SLC49A4: variants seen among roughly 807,000 people sequenced by gnomAD.
SLC49A4 encodes the protein disrupted in renal cancer protein 2.
A neutral mutation model predicts 50.6 loss-of-function variants in SLC49A4; 36 were observed. The ratio of observed to expected loss-of-function variants is 0.71; its 90% CI spans 0.55 to 0.94. SLC49A4 has a LOEUF of 0.94. SLC49A4 is among the 40% of genes least tolerant of loss of function. The probability of loss-of-function intolerance (pLI) is 0.00; values close to 1 mark genes in which losing one functional copy is unlikely to be tolerated. For missense variants in SLC49A4, 503 were observed against 605.7 expected (o/e 0.83, Z 1.78); for synonymous variants, 248 against 241.2 (o/e 1.03, Z -0.26).
Position 122,838,582 on chromosome 3 carries a change from G to A in SLC49A4, c.833+5136G>A, listed in dbSNP as rs188287739. Among the ~76,000 whole-genome samples, 313 of 151,408 alleles carry A rather than the reference G, an allele frequency of 2.1e-3. 1 individual carries two copies. Among genetic ancestry groups the A allele is most frequent in the Non-Finnish European group, 2.2e-3 (149 of 67,842 alleles). ...GGGGTGGGGGGAGGGGGGAAGGATA[G>A]CATTAGGAGATATACCTAATGCTAA... On this transcript the variant is annotated intron_variant, in intron 4 of 8. Transcript: ENST00000261038.
At chr3:122,875,092 G>A (rs1000300074) in intron 8 of SLC49A4, among the ~76,000 whole-genome samples, 2 of 152,182 alleles carry the variant, frequency 1.3e-5, no homozygotes, top group Non-Finnish European at 1.5e-5. Flanking sequence ...AAGTCCTGCA[G>A]CAGAGGTCCA....
intron 4 of SLC49A4, among the ~76,000 whole-genome samples, chr3:122,834,408 G>A (rs1479182533): frequency 6.6e-6 from 1 of 152,008 alleles, no homozygotes; most frequent in Non-Finnish European, 1.5e-5. Context: ...AACTCCAAAA[G>A]GAACCCTCAA....
chr3:122,829,823 C>G (rs942023953), intron 3 of SLC49A4, among the ~76,000 whole-genome samples: 3 of 152,076 alleles, frequency 2.0e-5, no homozygotes, highest in African/African-American at 7.2e-5. Context: ...TTTTCCATGC[C>G]TTTTTAAAAC....
chr3:122,826,947 A>G lies in SLC49A4; in HGVS notation c.585A>G (p.Ala195=), dbSNP rs199500266. Residue 195 remains alanine, a synonymous_variant, in exon 3 of 9, where the codon GCA becomes GCG. Coordinates refer to ENST00000261038, the MANE Select transcript of SLC49A4 (RefSeq NM_032839.3). ...IASMLSYLGG[A]CAFLVGPLVV... Reference sequence around the variant, plus strand: ...CAATGCTCAGTTATCTTGGGGGAGCATGTGCATTTTTAGTTGGACCACTTG... The same window carrying G: ...CAATGCTCAGTTATCTTGGGGGAGCGTGTGCATTTTTAGTTGGACCACTTG... The G allele has an allele frequency of 1.9e-6, 3 of 1,614,212 alleles. No individual in the cohort carries two copies. Among genetic ancestry groups the G allele is most frequent in the African/African-American group, 2.7e-5 (2 of 75,068 alleles).
chr3:122,873,682 A>G (rs1937224039), intron 8 of SLC49A4, among the ~76,000 whole-genome samples: 1 of 152,228 alleles, frequency 6.6e-6, no homozygotes, highest in Admixed American at 6.5e-5. Context: ...TTGGTTTATC[A>G]TATGAAGGAG....
chr3:122,872,529 G>A lies in SLC49A4; in HGVS notation c.1253G>A (p.Gly418Glu), dbSNP rs755178439. 4 of 1,611,958 alleles carry A rather than the reference G, an allele frequency of 2.5e-6. No homozygotes were observed. The highest frequency in any genetic ancestry group is 2.7e-5 in the African/African-American group (2 of 74,852). The stretch of plus-strand genomic sequence containing the variant: ...CCAGTTCCAGAAGGAATTACTTGTG[G>A]AGTTGTCACTTTTTTAAGTAATATG... ...VYPVPEGITC[G>E]VVTFLSNMFM... Residue 418 changes from glycine to glutamate, a missense_variant, in exon 8 of 9, where the codon GGA becomes GAA. By Grantham distance (98) the Gly-to-Glu change is moderately conservative. Transcript: ENST00000261038.
chr3:122,854,531 CATT>C (rs1936961758), intron 5 of SLC49A4, among the ~76,000 whole-genome samples: 1 of 152,206 alleles, frequency 6.6e-6, no homozygotes, highest in East Asian at 1.9e-4. Flanking sequence ...AGGACCTTGT[CATT>C]ATATGCATGG....
chr3:122,816,954 T>A (rs1936375669), intron 2 of SLC49A4, among the ~76,000 whole-genome samples: 1 of 152,194 alleles, frequency 6.6e-6, no homozygotes, highest in Non-Finnish European at 1.5e-5. Flanking sequence ...TAAGGTCTTC[T>A]GTAACTAAAA....
chr3:122,817,363 A>G (rs746133051), intron 2 of SLC49A4, among the ~76,000 whole-genome samples: 5 of 152,188 alleles, frequency 3.3e-5, no homozygotes, highest in African/African-American at 7.2e-5. Context: ...ATTCTCTTCT[A>G]GAGCCTCTTG....
At chr3:122,849,509 G>A (rs551956556) in intron 5 of SLC49A4, among the ~76,000 whole-genome samples, 86 of 152,242 alleles carry the variant, frequency 5.6e-4, no homozygotes, top group African/African-American at 2.0e-3. Flanking sequence ...TCTTTTTGGT[G>A]ATAGCTATCC....
At chr3:122,854,763 A>T (rs1222959440) in intron 5 of SLC49A4, among the ~76,000 whole-genome samples, 1 of 152,204 alleles carries the variant, frequency 6.6e-6, no homozygotes, top group Non-Finnish European at 1.5e-5. Flanking sequence ...CGTTTGGTGG[A>T]CAGCTGGCAA....
At chr3:122,856,440 C>CTTTT in intron 6 of SLC49A4, 66 bp downstream of exon 6, 1 of 1,396,228 alleles carries the variant, frequency 7.2e-7, no homozygotes, top group Non-Finnish European at 1.0e-6. Context: ...GATAAATAGG[C>CTTTT]TCCCCTAAAT....
chr3:122,799,263 G>A (rs1936096798), intron 1 of SLC49A4, among the ~76,000 whole-genome samples: 1 of 152,176 alleles, frequency 6.6e-6, no homozygotes, highest in Admixed American at 6.5e-5. Context: ...GGGTAAAGGA[G>A]GAAGGGAATG....
intron 4 of SLC49A4, among the ~76,000 whole-genome samples, chr3:122,835,954 C>T (rs1452806495): frequency 1.3e-5 from 2 of 152,148 alleles, no homozygotes; most frequent in Non-Finnish European, 2.9e-5. Flanking sequence ...CTGCTCTACA[C>T]CAACAACGAG....
Position 122,845,923 on chromosome 3 carries a change from A to G in SLC49A4, c.942+52A>G, listed in dbSNP as rs184417067. 1.4e-5 allele frequency: 18 copies of G among 1,324,228 alleles called. No individual in the cohort carries two copies. The East Asian group carries it at 3.3e-4, about 24-fold the overall frequency. 82.0% of individuals were successfully genotyped at this position (1,324,228 alleles called of 1,614,324 possible). ...GTAGGTATTTTTGTTCATTTAATTT[A>G]TAAATACTGGTTACGTGTTCTTGGT... On this transcript the variant is annotated intron_variant, in intron 5 of 8. Transcript: ENST00000261038.
chr3:122,836,443 G>A (rs1355721510), intron 4 of SLC49A4, among the ~76,000 whole-genome samples: 3 of 152,096 alleles, frequency 2.0e-5, no homozygotes, highest in South Asian at 2.1e-4. Flanking sequence ...CAAGGATATT[G>A]GTCTAAAATT....
chr3:122,823,452 C>G (rs1244017332), intron 2 of SLC49A4, among the ~76,000 whole-genome samples: 1 of 152,250 alleles, frequency 6.6e-6, no homozygotes, highest in East Asian at 1.9e-4. Flanking sequence ...CTATTGCCTT[C>G]TTTTTCTTTA....
intron 2 of SLC49A4, among the ~76,000 whole-genome samples, chr3:122,825,634 T>A (rs1404251455): frequency 6.8e-6 from 1 of 148,148 alleles, no homozygotes; most frequent in Non-Finnish European, 1.5e-5. Flanking sequence ...AGATGGCAGT[T>A]TAAAAAAAAA....
intron 4 of SLC49A4, among the ~76,000 whole-genome samples, chr3:122,838,764 C>T (rs536386200): frequency 5.9e-5 from 9 of 151,956 alleles, no homozygotes; most frequent in African/African-American, 2.2e-4. Flanking sequence ...GAAACACATT[C>T]CATGTTCATG....
Sources: allele counts gnomAD v4.1 joint callset (sites outside exome capture counted in the v4.1 genomes callset), GRCh38; gene constraint gnomAD v4.1.1; transcripts MANE v1.5; gene names NCBI Gene and HGNC (gene_info 2026-07-23, HGNC 2026-07-21).